MYT1L: variants seen among roughly 807,000 people sequenced by gnomAD.
The protein encoded by MYT1L is myelin transcription factor 1-like protein.
A neutral mutation model predicts 126.7 loss-of-function variants in MYT1L; 12 were observed. The ratio of observed to expected loss-of-function variants is 0.09; its 90% CI spans 0.06 to 0.15. The LOEUF is 0.15. Among genes scored for constraint, MYT1L ranks in the 10% least tolerant of loss-of-function variants. The pLI is 1.00. For synonymous variants in MYT1L, 541 were observed against 604.2 expected (o/e 0.90, Z 1.53); for missense variants, 979 against 1,585.2 (o/e 0.62, Z 6.49).
intron 4 of MYT1L, among the ~76,000 whole-genome samples, chr2:2,018,864 G>A (rs867181689): frequency 2.6e-5 from 4 of 152,124 alleles, no homozygotes; most frequent in East Asian, 1.9e-4. Context: ...GAGAGAGAAC[G>A]CCTCCTAAGG....
At chr2:2,173,822 G>A (rs2090390578) in intron 2 of MYT1L, among the ~76,000 whole-genome samples, 1 of 152,154 alleles carries the variant, frequency 6.6e-6, no homozygotes, top group Non-Finnish European at 1.5e-5. Context: ...AGAACGAAGA[G>A]ACCCTGAGGG....
chr2:1,936,169 C>T (rs983456249), intron 9 of MYT1L, among the ~76,000 whole-genome samples: 2 of 152,068 alleles, frequency 1.3e-5, no homozygotes, highest in African/African-American at 4.8e-5. Flanking sequence ...GTGATCTGTC[C>T]CCCTCAGCCT....
intron 2 of MYT1L, among the ~76,000 whole-genome samples, chr2:2,242,528 T>C (rs980523567): frequency 6.6e-6 from 1 of 152,232 alleles, no homozygotes. Flanking sequence ...AGAGACGCTC[T>C]ATCAACAAAC....
intron 3 of MYT1L, among the ~76,000 whole-genome samples, chr2:2,075,499 G>A (rs2075119874): frequency 6.6e-6 from 1 of 152,154 alleles, no homozygotes. Flanking sequence ...TGTTCATTCT[G>A]GTAGGGAGGT....
At chr2:2,084,680 C>T (rs1177933871) in intron 3 of MYT1L, among the ~76,000 whole-genome samples, 1 of 152,106 alleles carries the variant, frequency 6.6e-6, no homozygotes, top group Non-Finnish European at 1.5e-5. Flanking sequence ...TGTGAGAGAC[C>T]CTATGAGGGA....
chr2:2,313,470 C>T (rs2096009507), intron 1 of MYT1L, among the ~76,000 whole-genome samples: 1 of 151,548 alleles, frequency 6.6e-6, no homozygotes, highest in African/African-American at 2.4e-5. Flanking sequence ...ACAAATCTCA[C>T]ATTCTGAATA....
chr2:1,956,885 T>G (rs1270131439), intron 8 of MYT1L, among the ~76,000 whole-genome samples: 1 of 152,128 alleles, frequency 6.6e-6, no homozygotes, highest in Non-Finnish European at 1.5e-5. Flanking sequence ...ACAGGAAAGG[T>G]GTCTTGAGGA....
At position 1,979,149 on chromosome 2, in the gene MYT1L, A is replaced by C. The variant is rs948596985; in HGVS notation, c.152+16T>G. On this transcript the variant is annotated intron_variant, in intron 8 of 24. Transcript: ENST00000647738. The surrounding 1 kb of genome is among the most constrained non-coding windows in gnomAD (Gnocchi z 4.0). ...CTTTAGACAGCACATTGTGGAAAAA[A>C]AAATGCAGGCATTACCTTCTGTGTC... 5.0e-6 allele frequency: 8 copies of C among 1,609,174 alleles called. No individual in the cohort carries two copies. Among genetic ancestry groups the C allele is most frequent in the Admixed American group, 3.4e-5 (2 of 59,552 alleles).
chr2:1,942,412 T>C (rs949701772), intron 9 of MYT1L, among the ~76,000 whole-genome samples: 16 of 152,178 alleles, frequency 1.1e-4, no homozygotes, highest in Admixed American at 9.8e-4. Context: ...CTCTCACATA[T>C]GGAAGCAGAT....
chr2:2,189,587 T>C (rs553539830), intron 2 of MYT1L, among the ~76,000 whole-genome samples: 1 of 152,366 alleles, frequency 6.6e-6, no homozygotes, highest in South Asian at 2.1e-4. Context: ...TTTAAAAATA[T>C]TTTTAATAAC....
intron 18 of MYT1L, among the ~76,000 whole-genome samples, chr2:1,866,017 C>T (rs2045412202): frequency 6.6e-6 from 1 of 152,160 alleles, no homozygotes; most frequent in South Asian, 2.1e-4. Context: ...AGCCTCCGAG[C>T]TACAGTGTCC....
chr2:1,807,142 G>C (rs1234992372), intron 22 of MYT1L, among the ~76,000 whole-genome samples: 1 of 152,218 alleles, frequency 6.6e-6, no homozygotes, highest in African/African-American at 2.4e-5. Context: ...CAGCCTGGGG[G>C]ACAGGATGCC....
At chr2:2,297,188 G>A (rs907540623) in intron 1 of MYT1L, among the ~76,000 whole-genome samples, 8 of 152,224 alleles carry the variant, frequency 5.3e-5, no homozygotes, top group Admixed American at 3.9e-4. Context: ...CACCCGTGGC[G>A]CCGCTCTGAG....
At chr2:2,240,092 G>A (rs1384519880) in intron 2 of MYT1L, among the ~76,000 whole-genome samples, 1 of 152,150 alleles carries the variant, frequency 6.6e-6, no homozygotes, top group African/African-American at 2.4e-5. Context: ...GAGGTCAGGA[G>A]TTTGAGACCA....
At chr2:1,936,572 G>A (rs549510938) in intron 9 of MYT1L, among the ~76,000 whole-genome samples, 3 of 152,176 alleles carry the variant, frequency 2.0e-5, no homozygotes, top group East Asian at 1.9e-4. Flanking sequence ...TTGAAGCCTC[G>A]CATACCAAAC....
At chr2:2,186,105 G>C (rs1305326900) in intron 2 of MYT1L, among the ~76,000 whole-genome samples, 2 of 136,440 alleles carry the variant, frequency 1.5e-5, no homozygotes, top group Admixed American at 1.4e-4. Flanking sequence ...AGGCCTTCCG[G>C]GCCTTCCGGA....
intron 2 of MYT1L, among the ~76,000 whole-genome samples, chr2:2,197,509 C>T (rs1270630031): frequency 4.0e-5 from 6 of 151,108 alleles, no homozygotes; most frequent in East Asian, 2.0e-4. Flanking sequence ...ATGCATACAA[C>T]GAATGTGTAG....
In MYT1L at chr2:2,145,957, A is replaced by G. The variant is rs141922353; in HGVS notation, c.-304+26915T>C. Reference sequence around the variant, plus strand: ...CTTTCTGCTTAGAATGTGAGGAAACAGAAGTGTTCCCCCCGATCTCATGCC... The same window carrying G: ...CTTTCTGCTTAGAATGTGAGGAAACGGAAGTGTTCCCCCCGATCTCATGCC... On this transcript the variant is annotated intron_variant, in intron 3 of 24. Transcript: ENST00000647738. Among the ~76,000 whole-genome samples, 603 of 152,336 alleles carry G rather than the reference A, an allele frequency of 4.0e-3. 3 individuals carry two copies. Among genetic ancestry groups the G allele is most frequent in the African/African-American group, 0.014 (583 of 41,572 alleles).
intron 23 of MYT1L, among the ~76,000 whole-genome samples, chr2:1,796,047 A>C (rs2033418068): frequency 6.6e-6 from 1 of 152,250 alleles, no homozygotes; most frequent in South Asian, 2.1e-4. Flanking sequence ...AAAAAAACAA[A>C]AACAAAAGAA....
Sources: gnomAD v4.1 joint callset for allele counts (sites outside exome capture counted in the v4.1 genomes callset) on GRCh38, gnomAD v4.1.1 for gene constraint, Gnocchi (gnomAD v3.1) non-coding constraint, MANE v1.5 for transcripts, NCBI Gene and HGNC (gene_info 2026-07-23, HGNC 2026-07-21) for gene names.